TCEANC2: variants seen among roughly 807,000 people sequenced by gnomAD.
TCEANC2 encodes transcription elongation factor A N-terminal and central domain containing 2.
Under a neutral mutation model 22.8 loss-of-function variants are expected in TCEANC2, and 20 were observed. The ratio of observed to expected loss-of-function variants is 0.88; its 90% CI spans 0.62 to 1.28. The LOEUF is 1.28. TCEANC2 is among the 50% of genes most tolerant of loss of function. The pLI is 0.00. For synonymous variants in TCEANC2, 84 were observed against 95.5 expected (o/e 0.88, Z 0.70); for missense variants, 251 against 249.7 (o/e 1.01, Z -0.03).
chr1:54,110,603 CAAACAAAACAAAACA>C (rs549379793), downstream of TCEANC2, among the ~76,000 whole-genome samples: 1 of 152,024 alleles, frequency 6.6e-6, no homozygotes, highest in African/African-American at 2.4e-5. Context: ...AACCTTGTCT[CAAACAAAACAAAACA>C]AAACAAAACA....
intron 3 of TCEANC2, among the ~76,000 whole-genome samples, chr1:54,075,902 T>C (rs1320394186): frequency 1.3e-5 from 2 of 151,780 alleles, no homozygotes; most frequent in Non-Finnish European, 2.9e-5. Context: ...TAGTCCTAGC[T>C]ACTCGGGAGG....
intron 3 of TCEANC2, among the ~76,000 whole-genome samples, chr1:54,070,369 C>T (rs1658034445): frequency 1.3e-5 from 2 of 152,260 alleles, no homozygotes. Context: ...GCACATTCCA[C>T]AAATACTATA....
At chr1:54,093,924 C>A (rs2100386355) in intron 4 of TCEANC2, among the ~76,000 whole-genome samples, 1 of 152,232 alleles carries the variant, frequency 6.6e-6, no homozygotes, top group South Asian at 2.1e-4. Flanking sequence ...TTCTTTCTGG[C>A]AAATGCTGCA....
Position 54,054,483 on chromosome 1 carries a change from G to A in TCEANC2, c.61G>A (p.Gly21Arg). Reference protein sequence around the residue: ...IQNSPQKKDSGGKVYKQATIE... With the variant: ...IQNSPQKKDSRGKVYKQATIE... ...GAATAGCCCTCAGAAGAAAGATTCT[G>A]GAGGAAAGGTTTACAAGCAGGCCAC... is the stretch of plus-strand genomic sequence containing the variant. Residue 21 changes from glycine (G) to arginine (R), a missense_variant, in exon 2 of 5, where the codon GGA becomes AGA. By Grantham distance (125) the Gly-to-Arg change is moderately radical. Coordinates refer to ENST00000234827, the MANE Select transcript of TCEANC2 (RefSeq NM_153035.3). 1.2e-6 allele frequency: 2 copies of A among 1,613,950 alleles called. No individual in the cohort carries two copies. Among genetic ancestry groups the A allele is most frequent in the Non-Finnish European group, 1.7e-6 (2 of 1,179,960 alleles).
Position 54,075,052 on chromosome 1 carries a change from G to A in TCEANC2, c.244+6155G>A, listed in dbSNP as rs145086287. On this transcript the variant is annotated intron_variant, in intron 3 of 4. Transcript: ENST00000234827. ...TTGTTAAGATTGATTACCAAGATGAGGATTAGCAAGAGCCTTGGATCATCA... is the reference window on the plus strand; with the variant it reads ...TTGTTAAGATTGATTACCAAGATGAAGATTAGCAAGAGCCTTGGATCATCA... Among the ~76,000 whole-genome samples the A allele has an allele frequency of 4.1e-4, 62 of 152,278 alleles. 1 individual carries two copies. Among genetic ancestry groups the A allele is most frequent in the African/African-American group, 1.4e-3 (57 of 41,548 alleles).
chr1:54,066,205 G>A (rs541880742), intron 2 of TCEANC2, among the ~76,000 whole-genome samples: 1 of 150,784 alleles, frequency 6.6e-6, no homozygotes, highest in South Asian at 2.1e-4. Context: ...AGCTATGATT[G>A]TTACCACTGC....
In TCEANC2 at chr1:54,068,796, T is replaced by C. The variant is rs757767731; in HGVS notation, c.143T>C (p.Met48Thr). 1 of 1,611,200 alleles carries C rather than the reference T, an allele frequency of 6.2e-7. No homozygotes were observed. The highest frequency in any genetic ancestry group is 8.5e-7 in the Non-Finnish European group (1 of 1,179,182). Residue 48 changes from methionine to threonine, a missense_variant, in exon 3 of 5, where the codon ATG becomes ACG. By Grantham distance (81) the Met-to-Thr change is moderately conservative (BLOSUM62 -1). Transcript: ENST00000234827. ...GAAGACATAAAAAGATGGAAAACTATGCTGGAGCTTCCTGATCAAACCAAA... is the reference window on the plus strand; with the variant it reads ...GAAGACATAAAAAGATGGAAAACTACGCTGGAGCTTCCTGATCAAACCAAA... The part of the protein sequence containing the change: ...VVEDIKRWKT[M>T]LELPDQTKEN...
At chr1:54,090,382 G>T (rs1182416092) in intron 4 of TCEANC2, among the ~76,000 whole-genome samples, 1 of 152,046 alleles carries the variant, frequency 6.6e-6, no homozygotes, top group African/African-American at 2.4e-5. Flanking sequence ...TGAATGTTGG[G>T]CAAGTTATGA....
At chr1:54,078,014 T>C (rs1658172823) in intron 3 of TCEANC2, among the ~76,000 whole-genome samples, 1 of 152,202 alleles carries the variant, frequency 6.6e-6, no homozygotes, top group Non-Finnish European at 1.5e-5. Context: ...AATCTTAGAT[T>C]TTTAGAAAGG....
chr1:54,110,041 AATCAAAATC>A (rs1461556090), downstream of TCEANC2, among the ~76,000 whole-genome samples: 2 of 152,060 alleles, frequency 1.3e-5, no homozygotes, highest in East Asian at 1.9e-4. Flanking sequence ...GTTAGAGGGG[AATCAAAATC>A]ATCAAAATCA....
chr1:54,068,007 C>G (rs998676726), intron 2 of TCEANC2, among the ~76,000 whole-genome samples: 1 of 152,184 alleles, frequency 6.6e-6, no homozygotes, highest in African/African-American at 2.4e-5. Flanking sequence ...AATTTCAATA[C>G]TATAGAAAAG....
chr1:54,068,963 C>A, intron 3 of TCEANC2, 66 bp downstream of exon 3: 2 of 1,390,174 alleles, frequency 1.4e-6, no homozygotes, highest in East Asian at 2.7e-5. Flanking sequence ...TCTTTCCTTC[C>A]TCTCTCCTTC....
downstream of TCEANC2, among the ~76,000 whole-genome samples, chr1:54,109,954 A>G (rs961746163): frequency 1.3e-5 from 2 of 152,238 alleles, no homozygotes; most frequent in Admixed American, 1.3e-4. Context: ...AGGCCAGCTC[A>G]TAAGGGAGAA....
chr1:54,073,368 G>A (rs1658092444), intron 3 of TCEANC2, among the ~76,000 whole-genome samples: 1 of 152,232 alleles, frequency 6.6e-6, no homozygotes, highest in African/African-American at 2.4e-5. Context: ...GGCCATCTCT[G>A]ACCTGGAATA....
chr1:54,105,739 G>C lies in TCEANC2; in HGVS notation c.*9266G>C, dbSNP rs1259691804. On this transcript the variant is annotated 3_prime_UTR_variant, in exon 5 of 5. Transcript: ENST00000234827. ...CCTCCCGGGTTCAAGCGATTCTCCT[G>C]CCTCAGCCTCCCGAGTAGCTGGGAC... 1 of 151,892 alleles carries C rather than the reference G, an allele frequency of 6.6e-6. No homozygotes were observed. The highest frequency in any genetic ancestry group is 2.4e-5 in the African/African-American group (1 of 41,234). The allele number at this position is 151,892 out of a possible 1,614,324, so 9.4% of individuals were successfully genotyped here. A position where few individuals can be genotyped will look rare whatever the true frequency, so the allele number is the denominator to read the frequency against.
rs1658608306 is a variant in TCEANC2, at chr1:54,099,041, G to A, written c.*2568G>A. On this transcript the variant is annotated 3_prime_UTR_variant, in exon 5 of 5. Coordinates refer to ENST00000234827, the MANE Select transcript of TCEANC2 (RefSeq NM_153035.3). ...AGGTTTGAAGGGTCTTGAGCATCAGGTGAAGGCGTTAGACTGATTTGAAGC... is the reference window on the plus strand; with the variant it reads ...AGGTTTGAAGGGTCTTGAGCATCAGATGAAGGCGTTAGACTGATTTGAAGC... 1 of 152,372 alleles carries A rather than the reference G, an allele frequency of 6.6e-6. No homozygotes were observed. Among genetic ancestry groups the A allele is most frequent in the African/African-American group, 2.4e-5 (1 of 41,454 alleles). The allele number at this position is 152,372 out of a possible 1,614,324, so 9.4% of individuals were successfully genotyped here. A position where few individuals can be genotyped will look rare whatever the true frequency, so the allele number is the denominator to read the frequency against.
intron 2 of TCEANC2, among the ~76,000 whole-genome samples, chr1:54,056,590 G>T (rs1657756848): frequency 6.6e-6 from 1 of 151,946 alleles, no homozygotes; most frequent in South Asian, 2.1e-4. Context: ...CTCCCAAAGT[G>T]CTGGGATTAC....
intron 2 of TCEANC2, among the ~76,000 whole-genome samples, chr1:54,066,394 A>G (rs1431350164): frequency 6.6e-6 from 1 of 152,246 alleles, no homozygotes; most frequent in African/African-American, 2.4e-5. Context: ...CATGCCTATT[A>G]AAAGATAGAG....
intron 2 of TCEANC2, among the ~76,000 whole-genome samples, chr1:54,056,317 C>CT (rs59118907): frequency 1.0e-4 from 15 of 148,800 alleles, no homozygotes; most frequent in East Asian, 4.0e-4. Context: ...CTTTTCTTTT[C>CT]TTTTTTTTTG....
Sources: gnomAD v4.1 joint callset for allele counts (sites outside exome capture counted in the v4.1 genomes callset) on GRCh38, gnomAD v4.1.1 for gene constraint, MANE v1.5 for transcripts, NCBI Gene and HGNC (gene_info 2026-07-23, HGNC 2026-07-21) for gene names.